DEPTOR: variants seen among roughly 807,000 people sequenced by gnomAD.
DEPTOR encodes the protein DEP domain-containing mTOR-interacting protein.
A neutral mutation model predicts 41.6 loss-of-function variants in DEPTOR; 41 were observed. The ratio of observed to expected loss-of-function variants is 0.98; its 90% CI spans 0.77 to 1.28. The LOEUF (loss-of-function observed/expected upper bound fraction) is 1.28, where lower values mean the gene tolerates loss of function less well. Among genes scored for constraint, DEPTOR ranks in the 50% most tolerant of loss-of-function variants. The pLI is 0.00. For synonymous variants in DEPTOR, 195 were observed against 192.3 expected (o/e 1.01, Z -0.12); for missense variants, 514 against 527.9 (o/e 0.97, Z 0.26).
At chr8:120,027,680 G>C (rs1165659111) in intron 8 of DEPTOR, among the ~76,000 whole-genome samples, 1 of 151,654 alleles carries the variant, frequency 6.6e-6, no homozygotes, top group Non-Finnish European at 1.5e-5. Context: ...ACTCCAGCCT[G>C]CGCAATGGGA....
chr8:120,011,327 G>A, intron 8 of DEPTOR, among the ~76,000 whole-genome samples: 1 of 152,194 alleles, frequency 6.6e-6, no homozygotes. Context: ...TGGAAGCCCT[G>A]CTTGCGAAGG....
intron 2 of DEPTOR, among the ~76,000 whole-genome samples, 161 bp downstream of exon 2, chr8:119,928,739 CTTTCT>C (rs1449446296): frequency 1.6e-5 from 2 of 127,726 alleles, no homozygotes; most frequent in Admixed American, 8.2e-5. Context: ...CATTTGGGTT[CTTTCT>C]TTTTTTTTTT....
chr8:119,897,167 G>T (rs1827530674), intron 1 of DEPTOR, among the ~76,000 whole-genome samples: 1 of 152,126 alleles, frequency 6.6e-6, no homozygotes, highest in Non-Finnish European at 1.5e-5. Flanking sequence ...CTAGAAAAAT[G>T]CATATCCCCA....
chr8:119,914,734 C>G (rs758969485), intron 1 of DEPTOR, among the ~76,000 whole-genome samples: 3 of 152,238 alleles, frequency 2.0e-5, no homozygotes, highest in African/African-American at 7.2e-5. Flanking sequence ...GCTTGCCAAT[C>G]CCCCAAGCAC....
chr8:119,897,406 G>A (rs555727689), intron 1 of DEPTOR, among the ~76,000 whole-genome samples: 130 of 152,136 alleles, frequency 8.5e-4, no homozygotes, highest in African/African-American at 3.1e-3. Context: ...GGTAGCAGGC[G>A]CCTGTAATCC....
chr8:119,884,883 C>A (rs1827344292), intron 1 of DEPTOR, among the ~76,000 whole-genome samples: 1 of 152,006 alleles, frequency 6.6e-6, no homozygotes, highest in South Asian at 2.1e-4. Context: ...TCAAGCAATT[C>A]TTGTGCCTCA....
intron 3 of DEPTOR, among the ~76,000 whole-genome samples, chr8:119,961,911 A>T (rs182439110): frequency 3.9e-5 from 6 of 152,118 alleles, no homozygotes; most frequent in Admixed American, 3.9e-4. Context: ...TGACACAATG[A>T]CCGTGACATT....
intron 4 of DEPTOR, among the ~76,000 whole-genome samples, chr8:119,975,821 G>A (rs1007134359): frequency 6.8e-6 from 1 of 147,108 alleles, no homozygotes; most frequent in Non-Finnish European, 1.5e-5. Flanking sequence ...TTGCCCACCC[G>A]CCCTTCCTCT....
At chr8:119,904,684 C>T (rs189145190) in intron 1 of DEPTOR, among the ~76,000 whole-genome samples, 8 of 151,404 alleles carry the variant, frequency 5.3e-5, no homozygotes, top group Admixed American at 5.3e-4. Flanking sequence ...TCAGTAGAGA[C>T]GGGGTTTCAC....
intron 8 of DEPTOR, among the ~76,000 whole-genome samples, chr8:120,036,921 C>A (rs1229662427): frequency 6.6e-6 from 1 of 152,224 alleles, no homozygotes; most frequent in East Asian, 1.9e-4. Flanking sequence ...CTTCTGGATT[C>A]TCTGTCCTTG....
chr8:119,969,800 T>G (rs565940891), intron 4 of DEPTOR: 1 of 152,356 alleles, frequency 6.6e-6, no homozygotes, highest in South Asian at 2.1e-4. Context: ...CTTGGAGTTA[T>G]GAAAATATGG....
intron 4 of DEPTOR, among the ~76,000 whole-genome samples, chr8:119,974,235 T>TAA (rs35885551): frequency 7.7e-4 from 58 of 74,908 alleles, no homozygotes; most frequent in African/African-American, 1.1e-3. Flanking sequence ...CTTGTCTCTT[T>TAA]AAAAAAAAAA....
At chr8:120,004,734 G>A (rs1300963197) in intron 6 of DEPTOR, among the ~76,000 whole-genome samples, 1 of 152,104 alleles carries the variant, frequency 6.6e-6, no homozygotes, top group African/African-American at 2.4e-5. Flanking sequence ...AGAGCTGTCA[G>A]GACTGAGTTG....
chr8:119,900,386 T>TTTTTTTTTTTTTTTTTTTTTTG (rs1827575056), intron 1 of DEPTOR, among the ~76,000 whole-genome samples: 1 of 111,132 alleles, frequency 9.0e-6, no homozygotes, highest in Non-Finnish European at 1.8e-5. Flanking sequence ...TCACCTTTTT[T>TTTTTTTTTTTTTTTTTTTTTTG]TTTTTTTTTT....
At chr8:119,897,108 G>A (rs6469860) in intron 1 of DEPTOR, among the ~76,000 whole-genome samples, 124,642 of 152,150 alleles carry the variant, frequency 0.82, 51,401 homozygotes, top group East Asian at 0.95. Context: ...GAATATGAGT[G>A]TAGTTGGTTA....
At chr8:119,908,198 A>G (rs1812154529) in intron 1 of DEPTOR, among the ~76,000 whole-genome samples, 1 of 152,096 alleles carries the variant, frequency 6.6e-6, no homozygotes, top group Admixed American at 6.5e-5. Flanking sequence ...GTGGCTGGCC[A>G]AGAGAGGGCA....
chr8:119,978,338 A>C (rs138609881), intron 4 of DEPTOR, among the ~76,000 whole-genome samples: 16 of 152,292 alleles, frequency 1.1e-4, no homozygotes, highest in Non-Finnish European at 4.4e-5. Flanking sequence ...CTGTAGAATG[A>C]GGTCTCAGGC....
At chr8:119,947,926 C>T (rs1431662607) in intron 3 of DEPTOR, among the ~76,000 whole-genome samples, 2 of 152,158 alleles carry the variant, frequency 1.3e-5, no homozygotes, top group East Asian at 1.9e-4. Context: ...CCCATCCTCT[C>T]CCTGCCCAGT....
rs1258120070 is a variant in DEPTOR at position 119,899,293 on chromosome 8, CTT to C, written c.122+25327_122+25328del. On this transcript the variant is annotated intron_variant, in intron 1 of 8. Transcript: ENST00000286234. Reference sequence around the variant, plus strand: ...TTGCACTTTACTAACACAGGAGTCTCTTTCGATATCTTTTAATTCTTGTTCTT... The same window carrying C: ...TTGCACTTTACTAACACAGGAGTCTCTCGATATCTTTTAATTCTTGTTCTT... Among the ~76,000 whole-genome samples, 6 of 152,258 alleles carry C rather than the reference CTT, an allele frequency of 3.9e-5. No individual in the cohort carries two copies. The East Asian group carries it at 9.6e-4, about 24-fold the overall frequency.
Sources: allele counts gnomAD v4.1 joint callset (sites outside exome capture counted in the v4.1 genomes callset), GRCh38; gene constraint gnomAD v4.1.1; transcripts MANE v1.5; gene names NCBI Gene and HGNC (gene_info 2026-07-23, HGNC 2026-07-21).